The following DNAL4 variants were observed in gnomAD, a reference collection of about 807,000 sequenced individuals.
DNAL4 encodes the protein dynein axonemal light chain 4.
In DNAL4, 10 loss-of-function variants were observed where a neutral mutation model predicts 12.6. That is an observed-to-expected ratio of 0.79 (90% CI 0.49 to 1.34). DNAL4 has a LOEUF of 1.34. DNAL4 is among the 40% of genes most tolerant of loss of function. The pLI is 0.00. For synonymous variants in DNAL4, 46 were observed against 53.1 expected, an observed-to-expected ratio of 0.87 and a Z score of 0.58; for missense variants, 128 against 138.1, an observed-to-expected ratio of 0.93 and a Z score of 0.37.
chr22:38,788,573 A>C (rs905230697), intron 1 of DNAL4, among the ~76,000 whole-genome samples: 1 of 152,144 alleles, frequency 6.6e-6, no homozygotes, highest in Admixed American at 6.5e-5. Flanking sequence ...AGTGACATTG[A>C]CTCACACATG....
rs1248034480 is a variant in DNAL4 at position 38,784,466 on chromosome 22, C to T, written c.-139-1596G>A. Among the ~76,000 whole-genome samples, 7 of 151,568 alleles carry T rather than the reference C, an allele frequency of 4.6e-5. No homozygotes were observed. The East Asian group carries it at 1.2e-3, about 25-fold the overall frequency. ...AGCTCCTATCATCCTAGAAGGGAGA[C>T]GAATCAAATATTTGCTCTTCCCCTT... On this transcript the variant is annotated intron_variant, in intron 1 of 3. Transcript: ENST00000216068.
intron 3 of DNAL4, among the ~76,000 whole-genome samples, chr22:38,780,544 T>C (rs907696816): frequency 7.9e-5 from 12 of 152,308 alleles, no homozygotes; most frequent in Admixed American, 3.3e-4. Context: ...CCCCAACACC[T>C]AGAACAGCGC....
chr22:38,782,571 C>T lies in DNAL4; in HGVS notation c.69+92G>A. 7.5e-7 allele frequency: 1 copy of T among 1,333,900 alleles called. No homozygotes were observed. The highest frequency in any genetic ancestry group is 1.1e-6 in the Non-Finnish European group (1 of 949,650). 82.6% of individuals were successfully genotyped at this position (1,333,900 alleles called of 1,614,324 possible). Reference sequence around the variant, plus strand: ...AGCAGAGCCCTTCTTAACTTCCTCCCACTGCCATCCTGCAAGGGACAAGCT... The same window carrying T: ...AGCAGAGCCCTTCTTAACTTCCTCCTACTGCCATCCTGCAAGGGACAAGCT... On this transcript the variant is annotated intron_variant, in intron 2 of 3. Coordinates refer to ENST00000216068, the MANE Select transcript of DNAL4 (RefSeq NM_005740.3). The surrounding 1 kb of genome is among the most constrained non-coding windows in gnomAD (Gnocchi z 5.1).
At chr22:38,781,519 C>T (rs555190752) in intron 2 of DNAL4, among the ~76,000 whole-genome samples, 43 of 152,200 alleles carry the variant, frequency 2.8e-4, no homozygotes, top group African/African-American at 9.9e-4. Context: ...GTGTGTTCCG[C>T]GCCTGTCTGT....
intron 1 of DNAL4, among the ~76,000 whole-genome samples, chr22:38,786,862 C>G (rs2093042977): frequency 6.6e-6 from 1 of 152,194 alleles, no homozygotes; most frequent in African/African-American, 2.4e-5. Flanking sequence ...ATCCCTTGTT[C>G]TTTTGTGGCA....
chr22:38,779,374 C>T lies in DNAL4; in HGVS notation c.*75G>A. 2 of 1,455,494 alleles carry T rather than the reference C, an allele frequency of 1.4e-6. No homozygotes were observed. The highest frequency in any genetic ancestry group is 1.8e-6 in the Non-Finnish European group (2 of 1,098,668). The allele number at this position is 1,455,494 out of a possible 1,614,324, so 90.2% of individuals were successfully genotyped here. A position where few individuals can be genotyped will look rare whatever the true frequency, so the allele number is the denominator to read the frequency against. On this transcript the variant is annotated 3_prime_UTR_variant, in exon 4 of 4. Coordinates refer to ENST00000216068, the MANE Select transcript of DNAL4 (RefSeq NM_005740.3). The surrounding 1 kb of genome is among the most constrained non-coding windows in gnomAD (Gnocchi z 4.3). ...CAACTCTCCTTGGAAAAACCAGGAC[C>T]TGCCTAGGGCTGCTCCCCACCCCAG...
chr22:38,783,361 G>GCGGGCCTTCCCTCCCACTGCATACA (rs2093037423), intron 1 of DNAL4, among the ~76,000 whole-genome samples: 2 of 122,164 alleles, frequency 1.6e-5, no homozygotes, highest in South Asian at 5.4e-4. Flanking sequence ...CACTACATAC[G>GCGGGCCTTCCCTCCCACTGCATACA]CGGGCCTTCC....
In DNAL4 at chr22:38,784,055, C is replaced by A. The variant is rs114255387; in HGVS notation, c.-139-1185G>T. 5.6e-3 allele frequency among the ~76,000 whole-genome samples: 846 copies of A among 151,994 alleles called. 6 individuals carry two copies. Among genetic ancestry groups the A allele is most frequent in the African/African-American group, 0.02 (809 of 41,420 alleles). ...CTTTTTAATGATTTATATTAGACAA[C>A]TACAGCAAAATAATGTTATTCCAGC... On this transcript the variant is annotated intron_variant, in intron 1 of 3. Transcript: ENST00000216068.
At chr22:38,793,430 G>T (rs201083499) in intron 1 of DNAL4, among the ~76,000 whole-genome samples, 4 of 152,320 alleles carry the variant, frequency 2.6e-5, no homozygotes, top group South Asian at 4.1e-4. Context: ...GATTAAAAGC[G>T]CAGGGAGGGT....
In DNAL4 at chr22:38,779,179, C is replaced by A. The variant is rs2093030328; in HGVS notation, c.*270G>T. ...AAGATCTCATCTCCCACCTCCTCTA[C>A]CCTGTCACACCGCCCCACCCCACGT... is the stretch of plus-strand genomic sequence containing the variant. On this transcript the variant is annotated 3_prime_UTR_variant, in exon 4 of 4. Coordinates refer to ENST00000216068, the MANE Select transcript of DNAL4 (RefSeq NM_005740.3). This position sits in a 1 kb window ranked among gnomAD's most constrained non-coding sequence, Gnocchi z 4.3. The A allele has an allele frequency of 6.0e-6, 2 of 332,796 alleles. No homozygotes were observed. The highest frequency in any genetic ancestry group is 9.7e-5 in the East Asian group (2 of 20,644). 20.6% of individuals were successfully genotyped at this position (332,796 alleles called of 1,614,324 possible).
chr22:38,793,393 G>A (rs187536604), intron 1 of DNAL4, among the ~76,000 whole-genome samples: 131 of 152,308 alleles, frequency 8.6e-4, no homozygotes, highest in Non-Finnish European at 1.4e-3. Context: ...GAGATGCACC[G>A]ACGTATACTG....
intron 1 of DNAL4, among the ~76,000 whole-genome samples, chr22:38,788,634 A>C (rs6001225): frequency 0.74 from 112,886 of 152,122 alleles, 42,981 homozygotes; most frequent in East Asian, 0.89. Context: ...CAGTTTTGTC[A>C]AGATACAAAG....
chr22:38,789,541 G>A (rs1292421306), intron 1 of DNAL4, among the ~76,000 whole-genome samples: 2 of 152,150 alleles, frequency 1.3e-5, no homozygotes, highest in South Asian at 2.1e-4. Flanking sequence ...CTCCCAAAGT[G>A]CTGGGATTAT....
At chr22:38,790,426 G>A (rs139278971) in intron 1 of DNAL4, among the ~76,000 whole-genome samples, 8 of 152,310 alleles carry the variant, frequency 5.3e-5, no homozygotes, top group African/African-American at 1.7e-4. Flanking sequence ...GGTGGAGTGA[G>A]GAATGATGCC....
At chr22:38,781,053 C>G in intron 2 of DNAL4, 44 bp from the exon 3 acceptor site, 1 of 1,607,776 alleles carries the variant, frequency 6.2e-7, no homozygotes, top group Non-Finnish European at 8.5e-7. Context: ...AGGCTTAGCC[C>G]GTGACCTGGC....
chr22:38,789,359 AG>A (rs2093047080), intron 1 of DNAL4, among the ~76,000 whole-genome samples: 1 of 151,986 alleles, frequency 6.6e-6, no homozygotes, highest in Non-Finnish European at 1.5e-5. Context: ...TCAACTTCCC[AG>A]GCTCAGATGA....
intron 1 of DNAL4, among the ~76,000 whole-genome samples, chr22:38,784,506 C>CTT (rs1012937453): frequency 2.4e-4 from 33 of 139,172 alleles, no homozygotes; most frequent in Admixed American, 2.9e-4. Flanking sequence ...GTCTCTTTCA[C>CTT]TTTTTTTTTT....
At chr22:38,790,112 CAA>C (rs2093048323) in intron 1 of DNAL4, among the ~76,000 whole-genome samples, 2 of 152,080 alleles carry the variant, frequency 1.3e-5, no homozygotes, top group African/African-American at 4.8e-5. Flanking sequence ...TTCAGCCTCT[CAA>C]AAGTGTTGGG....
intron 1 of DNAL4, among the ~76,000 whole-genome samples, chr22:38,792,683 T>C (rs2093052755): frequency 6.6e-6 from 1 of 152,250 alleles, no homozygotes; most frequent in South Asian, 2.1e-4. Context: ...AGTGTCACTA[T>C]CTTCCACTAC....
Sources: gnomAD v4.1 joint callset for allele counts (sites outside exome capture counted in the v4.1 genomes callset) on GRCh38, gnomAD v4.1.1 for gene constraint, Gnocchi (gnomAD v3.1) non-coding constraint, MANE v1.5 for transcripts, NCBI Gene and HGNC (gene_info 2026-07-23, HGNC 2026-07-21) for gene names.